The following PLXNC1 variants were observed in gnomAD, a reference collection of about 807,000 sequenced individuals.
PLXNC1 encodes the protein plexin-C1.
In PLXNC1, 75 loss-of-function variants were observed where a neutral mutation model predicts 178.2. The ratio of observed to expected loss-of-function variants is 0.42; its 90% CI spans 0.35 to 0.51. PLXNC1 has a LOEUF of 0.51. Ranked by LOEUF, PLXNC1 falls within the 20% of genes least tolerant of loss-of-function variation. The probability of loss-of-function intolerance (pLI) is 0.02; values close to 1 mark genes in which losing one functional copy is unlikely to be tolerated. For synonymous variants in PLXNC1, 790 were observed against 779.9 expected (o/e 1.01, Z -0.22); for missense variants, 1,503 against 1,984.4 (o/e 0.76, Z 4.61).
At chr12:94,180,165 C>A (rs1414232750) in intron 2 of PLXNC1, among the ~76,000 whole-genome samples, 1 of 152,174 alleles carries the variant, frequency 6.6e-6, no homozygotes. Context: ...GCTGTTTACA[C>A]AGGCCCACAA....
intron 5 of PLXNC1, among the ~76,000 whole-genome samples, chr12:94,217,195 C>T (rs1481497262): frequency 6.6e-6 from 1 of 152,136 alleles, no homozygotes; most frequent in Non-Finnish European, 1.5e-5. Context: ...GGCTGTTAGC[C>T]AGCATTCTTG....
intron 21 of PLXNC1, among the ~76,000 whole-genome samples, chr12:94,272,825 C>T (rs147311617): frequency 0.01 from 1,554 of 152,300 alleles, 11 homozygotes; most frequent in Admixed American, 0.014. Context: ...GCTCCAGATT[C>T]AGTGGGTTCT....
Position 94,148,954 on chromosome 12 carries a change from G to C in PLXNC1, c.-18G>C. ...GTCGCCGCCGCGCGCCCTGCCCGGG[G>C]GCGGCCCCCCCAGCCCCATGGAGGT... On this transcript the variant is annotated 5_prime_UTR_variant, in exon 1 of 31. Transcript: ENST00000258526. This position sits in a 1 kb window ranked among gnomAD's most constrained non-coding sequence, Gnocchi z 4.8. The C allele has an allele frequency of 9.0e-7, 1 of 1,111,564 alleles. No homozygotes were observed. Among genetic ancestry groups the C allele is most frequent in the Non-Finnish European group, 1.1e-6 (1 of 873,796 alleles). The allele number at this position is 1,111,564 out of a possible 1,614,324, so 68.9% of individuals were successfully genotyped here.
chr12:94,237,716 G>A lies in PLXNC1; in HGVS notation c.2033G>A (p.Ser678Asn). ...EPQKVSTLGK[S>N]NVIVTGANFT... ...CAGAAAGTATCGACATTAGGGAAAAGCAACGTGATAGTAACGGGAGCAAAC... is the reference window on the plus strand; with the variant it reads ...CAGAAAGTATCGACATTAGGGAAAAACAACGTGATAGTAACGGGAGCAAAC... The change falls in exon 10 of 31, where the codon AGC (serine) becomes AAC (asparagine). Residue 678 changes from serine to asparagine, a missense_variant. Coordinates refer to ENST00000258526, the MANE Select transcript of PLXNC1 (RefSeq NM_005761.3). 1 of 1,613,814 alleles carries A rather than the reference G, an allele frequency of 6.2e-7. No individual in the cohort carries two copies. Among genetic ancestry groups the A allele is most frequent in the Non-Finnish European group, 8.5e-7 (1 of 1,179,788 alleles).
intron 4 of PLXNC1, among the ~76,000 whole-genome samples, chr12:94,190,780 C>G (rs1962691420): frequency 6.6e-6 from 1 of 152,186 alleles, no homozygotes; most frequent in Admixed American, 6.5e-5. Context: ...TTTACTTAAC[C>G]CCAGACATCC....
intron 22 of PLXNC1, among the ~76,000 whole-genome samples, chr12:94,281,189 G>A (rs1966412203): frequency 6.6e-6 from 1 of 152,178 alleles, no homozygotes; most frequent in Non-Finnish European, 1.5e-5. Flanking sequence ...TGAGGCAGAA[G>A]AACTGCTTGA....
chr12:94,174,361 A>G (rs1192736469), intron 2 of PLXNC1, among the ~76,000 whole-genome samples: 1 of 151,250 alleles, frequency 6.6e-6, no homozygotes, highest in Non-Finnish European at 1.5e-5. Context: ...ATTTTTTTGT[A>G]TGGACAGGGT....
chr12:94,237,613 G>T, intron 9 of PLXNC1, 51 bp from the exon 10 acceptor site: 1 of 1,542,886 alleles, frequency 6.5e-7, no homozygotes, highest in South Asian at 1.2e-5. Flanking sequence ...TTTTTGGAGC[G>T]ATGCCATTTC....
chr12:94,164,451 C>G (rs866215106), intron 1 of PLXNC1, among the ~76,000 whole-genome samples: 1 of 87,402 alleles, frequency 1.1e-5, no homozygotes, highest in African/African-American at 4.2e-5. Context: ...CACCCTGCCT[C>G]GATGAGCCGG....
intron 14 of PLXNC1, among the ~76,000 whole-genome samples, chr12:94,249,523 C>A (rs751781848): frequency 3.3e-5 from 5 of 152,138 alleles, no homozygotes; most frequent in African/African-American, 1.2e-4. Context: ...TGTGAGCTAC[C>A]GCGCCCAGCC....
intron 14 of PLXNC1, among the ~76,000 whole-genome samples, chr12:94,249,496 A>G (rs1339429618): frequency 2.0e-5 from 3 of 152,140 alleles, no homozygotes; most frequent in Admixed American, 6.5e-5. Context: ...GGCCTCCCAA[A>G]GTGCTGGCAT....
rs1968909067 is a variant in PLXNC1, at chr12:94,305,459, T to G, written c.*174T>G. ...CAGCTTTTAGAAAGCATACCAACCC[T>G]TGTGCCTGTGTGTATACCGTGGGAA... is the stretch of plus-strand genomic sequence containing the variant. On this transcript the variant is annotated 3_prime_UTR_variant, in exon 31 of 31. Transcript: ENST00000258526. The G allele has an allele frequency of 1.7e-6, 1 of 577,108 alleles. No homozygotes were observed. Among genetic ancestry groups the G allele is most frequent in the Non-Finnish European group, 3.1e-6 (1 of 322,598 alleles). 35.7% of individuals were successfully genotyped at this position (577,108 alleles called of 1,614,324 possible).
intron 3 of PLXNC1, among the ~76,000 whole-genome samples, chr12:94,182,861 ATCTATCTATC>A (rs1565797598): frequency 1.9e-4 from 24 of 126,098 alleles, no homozygotes; most frequent in Admixed American, 3.7e-4. Context: ...GAATATCTGT[ATCTATCTATC>A]TATCTATCTA....
chr12:94,176,339 G>A (rs538405938), intron 2 of PLXNC1: 2 of 152,284 alleles, frequency 1.3e-5, no homozygotes, highest in South Asian at 4.1e-4. Context: ...AGTGCCTGTG[G>A]GCTGGGGCTC....
chr12:94,248,253 CA>C lies in PLXNC1; in HGVS notation c.2625del (p.Asp876ThrfsTer14). The C allele has an allele frequency of 1.2e-6, 2 of 1,607,884 alleles. No individual in the cohort carries two copies. Among genetic ancestry groups the C allele is most frequent in the Admixed American group, 1.7e-5 (1 of 58,594 alleles). Reference protein sequence around the residue: ...QKENDNFNISKKDIEITLFHG... With the variant: ...QKENDNFNISXKDIEITLFHG... Reference sequence around the variant, plus strand: ...AAGAAAATGACAACTTCAACATTTCCAAAAAAGACATTGAAATTACTCTCTT... The same window carrying C: ...AAGAAAATGACAACTTCAACATTTCCAAAAAGACATTGAAATTACTCTCTT... On this transcript the variant is annotated frameshift_variant, in exon 14 of 31. Coordinates refer to ENST00000258526, the MANE Select transcript of PLXNC1 (RefSeq NM_005761.3). LOFTEE classifies it high-confidence loss of function.
At chr12:94,284,830 A>C (rs1410463691) in intron 23 of PLXNC1, among the ~76,000 whole-genome samples, 1 of 152,216 alleles carries the variant, frequency 6.6e-6, no homozygotes, top group African/African-American at 2.4e-5. Flanking sequence ...TCTGAGTCTT[A>C]TCCCAAGAAC....
chr12:94,262,516 A>G, intron 20 of PLXNC1: 1 of 985,458 alleles, frequency 1.0e-6, no homozygotes, highest in Non-Finnish European at 1.2e-6. Flanking sequence ...CTGGGTCAAG[A>G]CTTCACAGTG....
At chr12:94,285,967 A>G (rs1592933844) in intron 23 of PLXNC1, among the ~76,000 whole-genome samples, 1 of 152,192 alleles carries the variant, frequency 6.6e-6, no homozygotes, top group Non-Finnish European at 1.5e-5. Context: ...ACCCACTGCC[A>G]TTAATAGGAG....
chr12:94,258,106 G>A (rs1234088109), intron 17 of PLXNC1, among the ~76,000 whole-genome samples: 1 of 152,086 alleles, frequency 6.6e-6, no homozygotes, highest in East Asian at 1.9e-4. Context: ...CTGCCCGGGC[G>A]ACAGAGCAAG....
Sources: allele counts gnomAD v4.1 joint callset (sites outside exome capture counted in the v4.1 genomes callset), GRCh38; gene constraint gnomAD v4.1.1; non-coding constraint Gnocchi (gnomAD v3.1); transcripts MANE v1.5; gene names NCBI Gene and HGNC (gene_info 2026-07-23, HGNC 2026-07-21).